Variants in GNB1L observed in about 807,000 individuals in gnomAD.
GNB1L encodes the protein G protein subunit beta 1 like.
A neutral mutation model predicts 29.1 loss-of-function variants in GNB1L; 20 were observed. The ratio of observed to expected loss-of-function variants is 0.69; its 90% CI spans 0.48 to 1.00. The LOEUF is 1.00. GNB1L is among the 50% of genes least tolerant of loss of function. The probability of loss-of-function intolerance (pLI) is 0.00; values close to 1 mark genes in which losing one functional copy is unlikely to be tolerated. For synonymous variants in GNB1L, 193 were observed against 206.5 expected (o/e 0.93, Z 0.56); for missense variants, 421 against 464.9 (o/e 0.91, Z 0.87).
intron 2 of GNB1L, among the ~76,000 whole-genome samples, chr22:19,829,011 T>C (rs1318888596): frequency 1.3e-5 from 2 of 152,176 alleles, no homozygotes; most frequent in African/African-American, 2.4e-5. Context: ...TCTGTATTTT[T>C]AATAGAGATG....
At chr22:19,790,198 G>A (rs1937238094) in intron 7 of GNB1L, among the ~76,000 whole-genome samples, 1 of 152,186 alleles carries the variant, frequency 6.6e-6, no homozygotes, top group African/African-American at 2.4e-5. Flanking sequence ...AAATGGTCTG[G>A]CAGGGAGCAC....
intron 2 of GNB1L, among the ~76,000 whole-genome samples, chr22:19,837,482 A>G (rs1252822369): frequency 2.0e-5 from 3 of 152,272 alleles, no homozygotes; most frequent in Non-Finnish European, 4.4e-5. Context: ...AAGGACATGA[A>G]AACATACTCA....
rs1223128184 is a variant in GNB1L, at chr22:19,786,729, C to T, written c.*1980G>A. 3.9e-5 allele frequency: 6 copies of T among 152,258 alleles called. No individual in the cohort carries two copies. Among genetic ancestry groups the T allele is most frequent in the Admixed American group, 1.3e-4 (2 of 15,292 alleles). The allele number at this position is 152,258 out of a possible 1,614,324, so 9.4% of individuals were successfully genotyped here. On this transcript the variant is annotated 3_prime_UTR_variant, in exon 8 of 8. Transcript: ENST00000329517. ...TGCCGCTGTCATGGGGATGTCAGAA[C>T]CTGACACCTTCCCTCACTGTGACAG...
At chr22:19,810,469 C>T (rs567690600) in intron 5 of GNB1L, among the ~76,000 whole-genome samples, 2 of 152,228 alleles carry the variant, frequency 1.3e-5, no homozygotes, top group South Asian at 4.1e-4. Flanking sequence ...GGGGTGGCGG[C>T]GCCTTGAACC....
At chr22:19,817,999 T>C (rs774863016) in intron 4 of GNB1L, among the ~76,000 whole-genome samples, 1 of 152,236 alleles carries the variant, frequency 6.6e-6, no homozygotes, top group Admixed American at 6.5e-5. Flanking sequence ...AAGCCATCAC[T>C]TCCTTCAAGG....
At chr22:19,854,179 C>T (rs1938179710) in intron 2 of GNB1L, among the ~76,000 whole-genome samples, 1 of 152,208 alleles carries the variant, frequency 6.6e-6, no homozygotes, top group Admixed American at 6.5e-5. Context: ...GCATAGAAGA[C>T]TTTCGGCCCT....
At chr22:19,793,170 G>T in intron 7 of GNB1L, 1 of 931,842 alleles carries the variant, frequency 1.1e-6, no homozygotes, top group Non-Finnish European at 1.6e-6. Flanking sequence ...AAAATGAAAG[G>T]AAAGTGTATT....
intron 7 of GNB1L, among the ~76,000 whole-genome samples, chr22:19,795,480 G>A (rs1220437190): frequency 6.6e-6 from 1 of 152,204 alleles, no homozygotes; most frequent in Non-Finnish European, 1.5e-5. Context: ...TCCATGTGGT[G>A]CACTCCCCGA....
intron 5 of GNB1L, 112 bp from the exon 6 acceptor site, chr22:19,806,869 C>T: frequency 1.2e-6 from 1 of 816,896 alleles, no homozygotes; most frequent in Non-Finnish European, 2.1e-6. Flanking sequence ...TCTGTCTGCT[C>T]CCCTCCCCGT....
chr22:19,842,612 C>G (rs894868171), intron 2 of GNB1L, among the ~76,000 whole-genome samples: 1 of 152,238 alleles, frequency 6.6e-6, no homozygotes, highest in Admixed American at 6.5e-5. Flanking sequence ...CCAGGGAGGG[C>G]TGCAGAAAAG....
At chr22:19,794,065 C>G (rs965625308) in intron 7 of GNB1L, among the ~76,000 whole-genome samples, 1 of 151,970 alleles carries the variant, frequency 6.6e-6, no homozygotes, top group South Asian at 2.1e-4. Context: ...TTGCTTGAAC[C>G]TAGGAGTTCA....
chr22:19,790,139 A>T (rs1302408922), intron 7 of GNB1L, among the ~76,000 whole-genome samples: 1 of 152,256 alleles, frequency 6.6e-6, no homozygotes. Flanking sequence ...TTCTTGAAAG[A>T]CTAGAAGATT....
chr22:19,805,791 A>T (rs1029412198), intron 6 of GNB1L, among the ~76,000 whole-genome samples: 1 of 151,526 alleles, frequency 6.6e-6, no homozygotes, highest in Non-Finnish European at 1.5e-5. Context: ...CAAAAAAAAA[A>T]TAAATAAATA....
chr22:19,851,908 C>T, intron 2 of GNB1L: 1 of 1,614,092 alleles, frequency 6.2e-7, no homozygotes, highest in Non-Finnish European at 8.5e-7. Flanking sequence ...CCAGCTGGGC[C>T]AAGAAGCGGT....
At position 19,838,479 on chromosome 22, in the gene GNB1L, A is replaced by T. The variant is rs551145379; in HGVS notation, c.-21+15964T>A. Among the ~76,000 whole-genome samples the T allele has an allele frequency of 4.9e-3, 727 of 149,156 alleles. 5 individuals carry two copies. Among genetic ancestry groups the T allele is most frequent in the African/African-American group, 0.014 (581 of 40,418 alleles). ...TATTTATTTTTTTATTTTTATTTTT[A>T]TTTTTTTTTTGAGACAGAGTCTCGC... On this transcript the variant is annotated intron_variant, in intron 2 of 7. Transcript: ENST00000329517.
intron 2 of GNB1L, among the ~76,000 whole-genome samples, chr22:19,822,495 C>A (rs1937587632): frequency 6.6e-6 from 1 of 152,232 alleles, no homozygotes; most frequent in Admixed American, 6.5e-5. Flanking sequence ...CCAGAAGCGA[C>A]CAGCTCCATG....
intron 2 of GNB1L, chr22:19,851,204 T>C (rs1569057942): frequency 6.3e-7 from 1 of 1,592,930 alleles, no homozygotes; most frequent in African/African-American, 1.3e-5. Flanking sequence ...TCCTGGGGTC[T>C]CCGGGGCCTC....
At chr22:19,851,015 A>G in intron 2 of GNB1L, 1 of 1,430,966 alleles carries the variant, frequency 7.0e-7, no homozygotes, top group African/African-American at 1.4e-5. Flanking sequence ...GGTTCTGCTC[A>G]GCGCAGAGTC....
intron 2 of GNB1L, among the ~76,000 whole-genome samples, chr22:19,836,815 C>T (rs551389845): frequency 8.6e-5 from 13 of 151,968 alleles, no homozygotes; most frequent in Non-Finnish European, 1.9e-4. Context: ...AAAGAAAAAC[C>T]ACAGGATCAT....
Sources: allele counts gnomAD v4.1 joint callset (sites outside exome capture counted in the v4.1 genomes callset), GRCh38; gene constraint gnomAD v4.1.1; transcripts MANE v1.5; gene names NCBI Gene and HGNC (gene_info 2026-07-23, HGNC 2026-07-21).